The following AEBP1 variants were observed in gnomAD, a reference collection of about 807,000 sequenced individuals.
AEBP1 encodes AE binding protein 1.
A neutral mutation model predicts 116.5 loss-of-function variants in AEBP1; 69 were observed. The observed-to-expected ratio is 0.59, with a 90% CI of 0.49 to 0.72. The LOEUF (loss-of-function observed/expected upper bound fraction) is 0.72, where lower values mean the gene tolerates loss of function less well. AEBP1 is among the 30% of genes least tolerant of loss of function. The pLI, the probability that AEBP1 is intolerant of heterozygous loss-of-function variation, is 0.00. For missense variants in AEBP1, 1,444 were observed against 1,557.5 expected (o/e 0.93, Z 1.23); for synonymous variants, 627 against 627.3 (o/e 1.00, Z 0.01).
intron 1 of AEBP1, chr7:44,106,232 G>C (rs1346684842): frequency 3.7e-6 from 2 of 544,348 alleles, no homozygotes; most frequent in African/African-American, 3.7e-5. Flanking sequence ...AATAGTGGAG[G>C]AGTGGATAGT....
chr7:44,106,390 T>A, intron 1 of AEBP1, 156 bp from the exon 2 acceptor site: 1 of 875,368 alleles, frequency 1.1e-6, no homozygotes, highest in Non-Finnish European at 1.8e-6. Flanking sequence ...GGATCCCAGT[T>A]TGCCACTTGG....
chr7:44,109,543 C>T (rs2096226679), intron 9 of AEBP1: 1 of 640,644 alleles, frequency 1.6e-6, no homozygotes, highest in Admixed American at 3.1e-5. Context: ...GGCTGGCCTG[C>T]TTCAGGAGGG....
At position 44,111,576 on chromosome 7, in the gene AEBP1, G is replaced by C. The variant is rs2096229477; in HGVS notation, c.1786G>C (p.Gly596Arg). Residue 596 changes from glycine (G) to arginine (R), a missense_variant, in exon 15 of 21, where the codon GGC becomes CGC. Gly to Arg is a moderately radical substitution (Grantham distance 125). Coordinates refer to ENST00000223357, the MANE Select transcript of AEBP1 (RefSeq NM_001129.5). This position sits in a 1 kb window ranked among gnomAD's most constrained non-coding sequence, Gnocchi z 4.7. ...RTYSLGKSSRGLKIYAMEISD... is the reference protein window; with the variant it reads ...RTYSLGKSSRRLKIYAMEISD... Reference sequence around the variant, plus strand: ...TTACAGCCTGGGCAAGAGCTCACGAGGCCTCAAGATCTATGCCATGGAGAT... The same window carrying C: ...TTACAGCCTGGGCAAGAGCTCACGACGCCTCAAGATCTATGCCATGGAGAT... 1 of 1,613,110 alleles carries C rather than the reference G, an allele frequency of 6.2e-7. No homozygotes were observed. The highest frequency in any genetic ancestry group is 8.5e-7 in the Non-Finnish European group (1 of 1,179,630).
In AEBP1 at chr7:44,109,178, C is replaced by G. The variant is rs756044816; in HGVS notation, c.1090C>G (p.His364Asp). 4 of 1,613,730 alleles carry G rather than the reference C, an allele frequency of 2.5e-6. No individual in the cohort carries two copies. The South Asian group carries it at 4.4e-5, about 18-fold the overall frequency. ...GTGGGCAGTGGAGAAGGGCAAGGAC[C>G]ACAAAGGTGTGTGGCTGGGGCTTGG... ...DKWAVEKGKD[H>D]KEPRKGEELE... The change falls in exon 8 of 21, where the codon CAC becomes GAC. Residue 364 changes from histidine (H) to aspartate (D), a missense_variant. Coordinates refer to ENST00000223357, the MANE Select transcript of AEBP1 (RefSeq NM_001129.5).
In AEBP1 at chr7:44,107,487, T is replaced by C. The variant is rs992139534; in HGVS notation, c.644T>C (p.Val215Ala). 1 of 1,613,420 alleles carries C rather than the reference T, an allele frequency of 6.2e-7. No individual in the cohort carries two copies. The highest frequency in any genetic ancestry group is 1.1e-5 in the South Asian group (1 of 91,082). Residue 215 changes from valine (V) to alanine (A), a missense_variant, in exon 3 of 21, where the codon GTG (valine) becomes GCG (alanine). By Grantham distance (64) the Val-to-Ala change is moderately conservative. Coordinates refer to ENST00000223357, the MANE Select transcript of AEBP1 (RefSeq NM_001129.5). This position sits in a 1 kb window ranked among gnomAD's most constrained non-coding sequence, Gnocchi z 4.3. ...NWQNPGEETH[V>A]EAREHQPEPE... The stretch of plus-strand genomic sequence containing the variant: ...CAGAATCCAGGAGAGGAGACCCATG[T>C]GGAGGCACGGGAGCACCAGCCTGGT...
At chr7:44,106,023 A>G (rs1184489360) in intron 1 of AEBP1, 2 of 364,122 alleles carry the variant, frequency 5.5e-6, no homozygotes, top group East Asian at 1.5e-4. Flanking sequence ...TCTCGAAAGG[A>G]GACCACTTCC....
intron 1 of AEBP1, chr7:44,106,165 G>A: frequency 6.3e-6 from 3 of 478,058 alleles, no homozygotes; most frequent in Non-Finnish European, 1.2e-5. Flanking sequence ...ATGACCAGAT[G>A]CTCCTCCAGG....
Position 44,113,118 on chromosome 7 carries a change from C to T in AEBP1, c.2697C>T (p.Thr899=), listed in dbSNP as rs764964133. ...EWENNKEALL[T]FMEQVHRGIK... ...AGAACAACAAGGAGGCGCTGCTCAC[C>T]TTCATGGAGCAGGTGGGGTGGCTAG... Residue 899 remains threonine, a synonymous_variant, in exon 19 of 21, where the codon ACC becomes ACT. Coordinates refer to ENST00000223357, the MANE Select transcript of AEBP1 (RefSeq NM_001129.5). This position sits in a 1 kb window ranked among gnomAD's most constrained non-coding sequence, Gnocchi z 5.3. 4 of 1,614,024 alleles carry T rather than the reference C, an allele frequency of 2.5e-6. No individual in the cohort carries two copies. In the South Asian group the frequency reaches 4.4e-5, roughly 18 times the overall value.
chr7:44,111,876 T>C lies in AEBP1; in HGVS notation c.1863T>C (p.Thr621=), dbSNP rs768997335. ...HELGEPEFRY[T]AGIHGNEVLG... is the part of the protein sequence containing the mutation. The stretch of plus-strand genomic sequence containing the variant: ...CAGGGGAGCCCGAGTTCCGCTACAC[T>C]GCTGGGATCCATGGCAACGAGGTGC... The change falls in exon 16 of 21, where the codon ACT becomes ACC. Residue 621 remains threonine (T), a synonymous_variant. Transcript: ENST00000223357. The surrounding 1 kb of genome is among the most constrained non-coding windows in gnomAD (Gnocchi z 4.7). 1 of 1,613,516 alleles carries C rather than the reference T, an allele frequency of 6.2e-7. No individual in the cohort carries two copies. The highest frequency in any genetic ancestry group is 1.1e-5 in the South Asian group (1 of 91,060).
At position 44,104,755 on chromosome 7, in the gene AEBP1, C is replaced by T. The variant is rs1370937585; in HGVS notation, c.90C>T (p.Thr30=). The T allele has an allele frequency of 8.1e-6, 13 of 1,611,612 alleles. No homozygotes were observed. The highest frequency in any genetic ancestry group is 1.1e-5 in the South Asian group (1 of 91,012). Residue 30 remains threonine (T), a synonymous_variant, in exon 1 of 21, where the codon ACC becomes ACT. Coordinates refer to ENST00000223357, the MANE Select transcript of AEBP1 (RefSeq NM_001129.5). The stretch of plus-strand genomic sequence containing the variant: ...GAGGGCGCCCGCAGACGGTGCTGAC[C>T]GACGACGAGATCGAGGAGTTCCTCG... ...CPGGRPQTVL[T]DDEIEEFLEG...
In AEBP1 at chr7:44,109,361, G is replaced by A; in HGVS notation, c.1150+20G>A. On this transcript the variant is annotated intron_variant, in intron 9 of 20. Transcript: ENST00000223357. ...AAGTCAGTAAGTGGGGGGCACAAGG[G>A]GGTGAGGGTGGGGGCCACAGGATGG... is the stretch of plus-strand genomic sequence containing the variant. 2.0e-6 allele frequency: 3 copies of A among 1,521,056 alleles called. No homozygotes were observed. The highest frequency in any genetic ancestry group is 2.7e-6 in the Non-Finnish European group (3 of 1,124,336). The allele number at this position is 1,521,056 out of a possible 1,614,324, so 94.2% of individuals were successfully genotyped here. A position where few individuals can be genotyped will look rare whatever the true frequency, so the allele number is the denominator to read the frequency against.
Position 44,106,757 on chromosome 7 carries a change from G to C in AEBP1, c.465G>C (p.Glu155Asp). 6.2e-7 allele frequency: 1 copy of C among 1,612,524 alleles called. No homozygotes were observed. Among genetic ancestry groups the C allele is most frequent in the East Asian group, 2.2e-5 (1 of 44,810 alleles). ...KPPKATKKPK[E>D]KPPKATKKPP... ...CCAAGGCCACCAAGAAGCCCAAAGA[G>C]AAGCCACCCAAGGCCACCAAGAAGC... Residue 155 changes from glutamate to aspartate, a missense_variant, in exon 2 of 21, where the codon GAG (glutamate) becomes GAC (aspartate). Transcript: ENST00000223357.
intron 9 of AEBP1, 150 bp downstream of exon 9, chr7:44,109,491 GC>G: frequency 1.1e-6 from 1 of 942,712 alleles, no homozygotes; most frequent in Non-Finnish European, 1.5e-6. Flanking sequence ...GGCCCCGGGA[GC>G]CCAGGATAGC....
At chr7:44,105,038 G>A in intron 1 of AEBP1, 120 bp downstream of exon 1, 2 of 902,902 alleles carry the variant, frequency 2.2e-6, no homozygotes, top group East Asian at 2.7e-5. Flanking sequence ...GCTTACTAAT[G>A]CGCACGCGAG....
intron 1 of AEBP1, among the ~76,000 whole-genome samples, chr7:44,105,722 C>A (rs886684143): frequency 6.6e-6 from 1 of 152,180 alleles, no homozygotes; most frequent in African/African-American, 2.4e-5. Context: ...GGGCACCGCT[C>A]TAGCAGCCCT....
In AEBP1 at chr7:44,107,914, C is replaced by A; in HGVS notation, c.845C>A (p.Ala282Asp). The change falls in exon 5 of 21, where the codon GCC becomes GAC. Residue 282 changes from alanine to aspartate, a missense_variant. Physicochemically the swap from Ala to Asp is moderately radical, Grantham distance 126. Transcript: ENST00000223357. The surrounding 1 kb of genome is among the most constrained non-coding windows in gnomAD (Gnocchi z 4.3). ...CCTGAGGAGAAGGCCCCGGCCCCAG[C>A]CCCGGAGGAGAGGATTGGTAGGATG... ...EPPEEKAPAPAPEERIEPPVK... is the reference protein window; with the variant it reads ...EPPEEKAPAPDPEERIEPPVK... 6.3e-7 allele frequency: 1 copy of A among 1,590,350 alleles called. No individual in the cohort carries two copies.
rs1330040954 is a variant in AEBP1, at chr7:44,114,301, C to T, written c.*40C>T. On this transcript the variant is annotated 3_prime_UTR_variant, in exon 21 of 21. Coordinates refer to ENST00000223357, the MANE Select transcript of AEBP1 (RefSeq NM_001129.5). The stretch of plus-strand genomic sequence containing the variant: ...CAAGACCCCAGCCCAACTCAAGCTA[C>T]AGCAGCAGCACTTCCCAAGCCTGCT... 4 of 1,604,378 alleles carry T rather than the reference C, an allele frequency of 2.5e-6. No homozygotes were observed. The highest frequency in any genetic ancestry group is 1.7e-5 in the Admixed American group (1 of 59,840).
At position 44,104,746 on chromosome 7, in the gene AEBP1, G is replaced by T. The variant is rs747660366; in HGVS notation, c.81G>T (p.Thr27=). 6 of 1,611,530 alleles carry T rather than the reference G, an allele frequency of 3.7e-6. No homozygotes were observed. In the Admixed American group the frequency reaches 1.0e-4, roughly 27 times the overall value. The change falls in exon 1 of 21, where the codon ACG becomes ACT. Residue 27 remains threonine (T), a synonymous_variant. Coordinates refer to ENST00000223357, the MANE Select transcript of AEBP1 (RefSeq NM_001129.5). ...TGTGCCCTGGAGGGCGCCCGCAGAC[G>T]GTGCTGACCGACGACGAGATCGAGG... is the stretch of plus-strand genomic sequence containing the variant. The part of the protein sequence containing the change: ...LALCPGGRPQ[T]VLTDDEIEEF...
intron 1 of AEBP1, 80 bp downstream of exon 1, chr7:44,104,998 C>A: frequency 8.5e-7 from 1 of 1,169,914 alleles, no homozygotes; most frequent in Non-Finnish European, 1.2e-6. Flanking sequence ...GGTCTGGCCA[C>A]TCCCCAGTCT....
Sources: gnomAD v4.1 joint callset for allele counts (sites outside exome capture counted in the v4.1 genomes callset) on GRCh38, gnomAD v4.1.1 for gene constraint, Gnocchi (gnomAD v3.1) non-coding constraint, MANE v1.5 for transcripts, NCBI Gene and HGNC (gene_info 2026-07-23, HGNC 2026-07-21) for gene names.